Variants in STARD13 observed in about 807,000 individuals in gnomAD.
The protein encoded by STARD13 is stAR-related lipid transfer protein 13.
A neutral mutation model predicts 106.4 loss-of-function variants in STARD13; 62 were observed. The ratio of observed to expected loss-of-function variants is 0.58; its 90% CI spans 0.48 to 0.72. STARD13 has a LOEUF of 0.72. Ranked by LOEUF, STARD13 falls within the 30% of genes least tolerant of loss-of-function variation. The pLI is 0.00. For missense variants in STARD13, 1,387 were observed against 1,424.0 expected (o/e 0.97, Z 0.42); for synonymous variants, 565 against 553.0 (o/e 1.02, Z -0.31).
At chr13:33,241,126 G>A (rs1159698402) in intron 1 of STARD13, among the ~76,000 whole-genome samples, 1 of 152,146 alleles carries the variant, frequency 6.6e-6, no homozygotes, top group Non-Finnish European at 1.5e-5. Flanking sequence ...AATTTGTTGT[G>A]AGGATTCCAT....
downstream of STARD13, among the ~76,000 whole-genome samples, chr13:33,345,545 T>C (rs1197113749): frequency 3.3e-5 from 5 of 152,108 alleles, no homozygotes; most frequent in Admixed American, 3.3e-4. Flanking sequence ...ATTGTAATAA[T>C]GGATACTGAG....
At chr13:33,362,472 G>A in the STARD13 span, among the ~76,000 whole-genome samples, 1 of 152,190 alleles carries the variant, frequency 6.6e-6, no homozygotes, top group African/African-American at 2.4e-5. Flanking sequence ...AAAACGACAA[G>A]TTCAAATCCA....
At chr13:33,120,921 A>G (rs1413423269) in intron 7 of STARD13, among the ~76,000 whole-genome samples, 1 of 152,092 alleles carries the variant, frequency 6.6e-6, no homozygotes, top group African/African-American at 2.4e-5. Context: ...TACATTTTTT[A>G]GTAGAGACAG....
the STARD13 span, among the ~76,000 whole-genome samples, chr13:33,585,448 C>G: frequency 6.6e-6 from 1 of 152,062 alleles, no homozygotes; most frequent in Non-Finnish European, 1.5e-5. Flanking sequence ...AATTTCAGCA[C>G]TTTAGGAGGC....
intron 1 of STARD13, among the ~76,000 whole-genome samples, chr13:33,245,639 G>T (rs1889785331): frequency 6.6e-6 from 1 of 152,194 alleles, no homozygotes; most frequent in African/African-American, 2.4e-5. Context: ...GAAGGGGCAG[G>T]ACTGAAATGC....
chr13:33,378,296 G>A, the STARD13 span, among the ~76,000 whole-genome samples: 2 of 152,242 alleles, frequency 1.3e-5, no homozygotes, highest in Non-Finnish European at 2.9e-5. Flanking sequence ...ACAGGGAGCT[G>A]TCACCCCAAA....
At chr13:33,625,069 G>T in the STARD13 span, among the ~76,000 whole-genome samples, 1 of 152,184 alleles carries the variant, frequency 6.6e-6, no homozygotes, top group Non-Finnish European at 1.5e-5. Flanking sequence ...TTTGCTTCCT[G>T]TCCCTTCTGA....
chr13:33,635,574 G>A, the STARD13 span, among the ~76,000 whole-genome samples: 47 of 151,780 alleles, frequency 3.1e-4, no homozygotes, highest in Admixed American at 1.3e-4. Context: ...GCAGGAGAAT[G>A]GAGTGAACCT....
At chr13:33,556,014 C>G in the STARD13 span, among the ~76,000 whole-genome samples, 1 of 152,132 alleles carries the variant, frequency 6.6e-6, no homozygotes, top group African/African-American at 2.4e-5. Flanking sequence ...ACACAGGGCT[C>G]TTTAGCTAGT....
At chr13:33,625,841 A>G in the STARD13 span, among the ~76,000 whole-genome samples, 2 of 151,910 alleles carry the variant, frequency 1.3e-5, no homozygotes, top group Admixed American at 6.6e-5. Flanking sequence ...AGCTGGGACT[A>G]TAGGTTCTCG....
the STARD13 span, among the ~76,000 whole-genome samples, chr13:33,635,608 T>C: frequency 6.6e-6 from 1 of 150,546 alleles, no homozygotes; most frequent in Non-Finnish European, 1.5e-5. Context: ...TGCAGTGAGC[T>C]GAGATTGTGC....
chr13:33,249,513 T>C (rs531482811), intron 1 of STARD13, among the ~76,000 whole-genome samples: 1 of 152,360 alleles, frequency 6.6e-6, no homozygotes, highest in Non-Finnish European at 1.5e-5. Flanking sequence ...CTTAGCCACC[T>C]ACAATGTGCC....
chr13:33,411,611 A>G, the STARD13 span, among the ~76,000 whole-genome samples: 1 of 152,154 alleles, frequency 6.6e-6, no homozygotes, highest in Non-Finnish European at 1.5e-5. Context: ...CAAGCATAGA[A>G]AGAAGTAGGT....
the STARD13 span, among the ~76,000 whole-genome samples, chr13:33,424,641 C>T: frequency 5.9e-5 from 9 of 152,076 alleles, no homozygotes; most frequent in Non-Finnish European, 1.0e-4. Flanking sequence ...TCTCTGGCAG[C>T]GTCCGGGGGC....
intron 1 of STARD13, chr13:33,281,184 C>A (rs1209474112): frequency 6.6e-6 from 1 of 152,110 alleles, no homozygotes; most frequent in Non-Finnish European, 1.5e-5. Context: ...AACCAAAGGT[C>A]CAGTGAAGCT....
At chr13:33,133,915 T>C (rs1317337352) in intron 4 of STARD13, among the ~76,000 whole-genome samples, 2 of 152,324 alleles carry the variant, frequency 1.3e-5, no homozygotes, top group Non-Finnish European at 2.9e-5. Context: ...GTGTACTGAT[T>C]GTTTAAAAGA....
chr13:33,543,016 A>C, the STARD13 span, among the ~76,000 whole-genome samples: 1 of 152,242 alleles, frequency 6.6e-6, no homozygotes, highest in African/African-American at 2.4e-5. Context: ...AGCTGCCTGT[A>C]GGAGGAGCTT....
At chr13:33,312,667 G>A (rs1418873732) in intron 1 of STARD13, among the ~76,000 whole-genome samples, 1 of 152,168 alleles carries the variant, frequency 6.6e-6, no homozygotes, top group African/African-American at 2.4e-5. Flanking sequence ...TTCTAAATGA[G>A]TCAGTGTAGA....
At chr13:33,612,381 A>G in the STARD13 span, among the ~76,000 whole-genome samples, 5,317 of 152,254 alleles carry the variant, frequency 0.035, 363 homozygotes, top group East Asian at 0.29. Context: ...ACAAACCTAC[A>G]ATGTGAATGA....
Sources: gnomAD v4.1 joint callset for allele counts (sites outside exome capture counted in the v4.1 genomes callset) on GRCh38, gnomAD v4.1.1 for gene constraint, MANE v1.5 for transcripts, NCBI Gene and HGNC (gene_info 2026-07-23, HGNC 2026-07-21) for gene names.